The following DLGAP1 variants were observed in gnomAD, a reference collection of about 807,000 sequenced individuals.
DLGAP1 encodes DLG associated protein 1.
A neutral mutation model predicts 90.8 loss-of-function variants in DLGAP1; 11 were observed. The observed-to-expected ratio is 0.12, with a 90% CI of 0.08 to 0.20. DLGAP1 has a LOEUF of 0.20. DLGAP1 is among the 10% of genes least tolerant of loss of function. DLGAP1 has a pLI of 1.00. For synonymous variants in DLGAP1, 558 were observed against 540.7 expected (o/e 1.03, Z -0.44); for missense variants, 1,050 against 1,333.8 (o/e 0.79, Z 3.31).
At chr18:4,198,071 A>C (rs1162456216) in intron 1 of DLGAP1, among the ~76,000 whole-genome samples, 2 of 151,842 alleles carry the variant, frequency 1.3e-5, no homozygotes, top group Admixed American at 1.3e-4. Flanking sequence ...AAAATACAAA[A>C]AATCAGCCGG....
chr18:3,847,555 A>G (rs1291163851), intron 4 of DLGAP1, among the ~76,000 whole-genome samples: 1 of 152,142 alleles, frequency 6.6e-6, no homozygotes, highest in Non-Finnish European at 1.5e-5. Flanking sequence ...GGAGAATAAG[A>G]TGAGGGGGAG....
intron 7 of DLGAP1, among the ~76,000 whole-genome samples, chr18:3,717,295 G>A (rs761186724): frequency 7.2e-5 from 11 of 152,126 alleles, no homozygotes; most frequent in Non-Finnish European, 8.8e-5. Flanking sequence ...TTGAGACCAG[G>A]TTAGTACCAA....
At chr18:4,295,146 G>T (rs2079946382) in intron 1 of DLGAP1, 1 of 152,198 alleles carries the variant, frequency 6.6e-6, no homozygotes, top group South Asian at 2.1e-4. Context: ...TTTTGCTGGG[G>T]AACTGCCCTC....
intron 5 of DLGAP1, among the ~76,000 whole-genome samples, chr18:3,752,273 T>C (rs1328560438): frequency 6.6e-6 from 1 of 152,200 alleles, no homozygotes; most frequent in African/African-American, 2.4e-5. Context: ...AGTATATTCA[T>C]AGAATTATGT....
At chr18:3,918,886 G>GT (rs1467116856) in intron 3 of DLGAP1, among the ~76,000 whole-genome samples, 1 of 152,092 alleles carries the variant, frequency 6.6e-6, no homozygotes, top group Non-Finnish European at 1.5e-5. Context: ...CATGAAAGAT[G>GT]TTGCAAGCAC....
chr18:3,504,498 C>A (rs2050111433), intron 11 of DLGAP1, among the ~76,000 whole-genome samples: 2 of 152,138 alleles, frequency 1.3e-5, no homozygotes, highest in Admixed American at 1.3e-4. Context: ...GACTCTCCTG[C>A]CTCAGCCTCC....
chr18:4,221,905 T>C (rs1177504030), intron 1 of DLGAP1, among the ~76,000 whole-genome samples: 1 of 152,204 alleles, frequency 6.6e-6, no homozygotes, highest in African/African-American at 2.4e-5. Flanking sequence ...TTTCAAATAG[T>C]TGATCACTAC....
intron 2 of DLGAP1, among the ~76,000 whole-genome samples, chr18:4,083,183 G>A (rs188278529): frequency 1.3e-5 from 2 of 152,182 alleles, no homozygotes; most frequent in Admixed American, 1.3e-4. Flanking sequence ...CCACATAAGT[G>A]TTTGTAAGGA....
chr18:3,775,595 CCT>C lies in DLGAP1; in HGVS notation c.1173-33085_1173-33084del, dbSNP rs2064905454. On this transcript the variant is annotated intron_variant, in intron 5 of 12. Coordinates refer to ENST00000315677, the MANE Select transcript of DLGAP1 (RefSeq NM_004746.4). This position sits in a 1 kb window ranked among gnomAD's most constrained non-coding sequence, Gnocchi z 4.9. The stretch of plus-strand genomic sequence containing the variant: ...TAAGCCTCTTTTCTTTATAAATTAC[CCT>C]GTGTCAGGTAGTTCTTTATAGTAAT... 6.6e-6 allele frequency among the ~76,000 whole-genome samples: 1 copy of C among 152,272 alleles called. No homozygotes were observed. Among genetic ancestry groups the C allele is most frequent in the Admixed American group, 6.5e-5 (1 of 15,298 alleles).
At chr18:4,367,030 A>AAAAAAT (rs71160960) in intron 1 of DLGAP1, among the ~76,000 whole-genome samples, 8 of 135,064 alleles carry the variant, frequency 5.9e-5, no homozygotes, top group Non-Finnish European at 7.9e-5. Flanking sequence ...AAAAAAAAAA[A>AAAAAAT]TCTTGTACTT....
rs569656301 is a variant in DLGAP1 at position 3,724,506 on chromosome 18, G to T, written c.1591+4629C>A. ...TGCCTGTAATCTCAGAACTTTGGGA[G>T]GCCAAGGCGGGTGGATCACTGGAGC... On this transcript the variant is annotated intron_variant, in intron 7 of 12. Transcript: ENST00000315677. 3.3e-5 allele frequency among the ~76,000 whole-genome samples: 5 copies of T among 152,164 alleles called. No homozygotes were observed. The East Asian group carries it at 9.7e-4, about 29-fold the overall frequency.
chr18:3,805,445 C>T (rs1471220397), intron 5 of DLGAP1, among the ~76,000 whole-genome samples: 2 of 151,988 alleles, frequency 1.3e-5, no homozygotes, highest in African/African-American at 4.8e-5. Flanking sequence ...AGGCTGGGGG[C>T]GTCAATACAA....
intron 3 of DLGAP1, among the ~76,000 whole-genome samples, chr18:3,942,727 G>A (rs2148950889): frequency 6.6e-6 from 1 of 152,260 alleles, no homozygotes; most frequent in Admixed American, 6.5e-5. Context: ...CTTTCCTGGA[G>A]GGCAGAAATT....
In DLGAP1 at chr18:4,269,358, T is replaced by A. The variant is rs992004861; in HGVS notation, c.-266-118071A>T. ...CATATATATATATATATATATATTT[T>A]TTTTTTTCTTTTTGAGACGGAGTCT... On this transcript the variant is annotated intron_variant, in intron 1 of 12. Transcript: ENST00000315677. Among the ~76,000 whole-genome samples the A allele has an allele frequency of 3.4e-3, 438 of 128,222 alleles. 2 individuals are homozygous for A. The highest frequency in any genetic ancestry group is 4.8e-3 in the East Asian group (24 of 5,036). 84.1% of individuals were successfully genotyped at this position (128,222 alleles called of 152,430 possible).
chr18:4,239,753 T>C (rs1487186571), intron 1 of DLGAP1, among the ~76,000 whole-genome samples: 1 of 152,188 alleles, frequency 6.6e-6, no homozygotes. Context: ...TGTGTGTTGA[T>C]GGATATTTTC....
At chr18:3,722,149 T>C (rs1389835870) in intron 7 of DLGAP1, 2 of 152,216 alleles carry the variant, frequency 1.3e-5, no homozygotes, top group African/African-American at 4.8e-5. Context: ...CCTTCACTGT[T>C]TGCCATGCAA....
intron 2 of DLGAP1, among the ~76,000 whole-genome samples, chr18:4,055,437 G>A (rs1004222775): frequency 9.9e-5 from 15 of 152,208 alleles, no homozygotes; most frequent in Middle Eastern, 3.4e-3. Context: ...GTCCTCCCAT[G>A]CTCCACCCTC....
Position 3,985,156 on chromosome 18 carries a change from C to T in DLGAP1, c.-73+19960G>A, listed in dbSNP as rs543666847. Among the ~76,000 whole-genome samples the T allele has an allele frequency of 2.2e-3, 331 of 152,298 alleles. 3 individuals carry two copies. The highest frequency in any genetic ancestry group is 7.6e-3 in the African/African-American group (317 of 41,568). ...CCTCCTTGAGTTCCTCTAACATATCCTGATCCCCTTTCTACCTTGATTAGC... is the reference window on the plus strand; with the variant it reads ...CCTCCTTGAGTTCCTCTAACATATCTTGATCCCCTTTCTACCTTGATTAGC... On this transcript the variant is annotated intron_variant, in intron 3 of 12. Coordinates refer to ENST00000315677, the MANE Select transcript of DLGAP1 (RefSeq NM_004746.4).
chr18:4,202,101 A>G (rs1476681580), intron 1 of DLGAP1, among the ~76,000 whole-genome samples: 1 of 152,106 alleles, frequency 6.6e-6, no homozygotes, highest in Non-Finnish European at 1.5e-5. Context: ...TAGTAGATAT[A>G]GAAACTGTGG....
Sources: allele counts gnomAD v4.1 joint callset (sites outside exome capture counted in the v4.1 genomes callset), GRCh38; gene constraint gnomAD v4.1.1; non-coding constraint Gnocchi (gnomAD v3.1); transcripts MANE v1.5; gene names NCBI Gene and HGNC (gene_info 2026-07-23, HGNC 2026-07-21).